Variants in NCALD observed in about 807,000 individuals in gnomAD.
NCALD encodes the protein neurocalcin-delta.
NCALD carries 10 observed loss-of-function variants against 18.6 expected under a neutral mutation model. The observed-to-expected ratio is 0.54, with a 90% CI of 0.33 to 0.91. The LOEUF is 0.91. NCALD is among the 40% of genes least tolerant of loss of function. The pLI is 0.03. For missense variants in NCALD, 184 were observed against 247.6 expected (o/e 0.74, Z 1.72); for synonymous variants, 88 against 87.4 (o/e 1.01, Z -0.04).
intron 1 of NCALD, among the ~76,000 whole-genome samples, chr8:102,060,774 CA>C (rs1040928863): frequency 1.5e-4 from 22 of 145,658 alleles, no homozygotes; most frequent in East Asian, 4.0e-4. Flanking sequence ...TCAATCAGAC[CA>C]AAAAAAAAAA....
intron 1 of NCALD, among the ~76,000 whole-genome samples, chr8:102,115,430 G>A (rs941376725): frequency 3.9e-5 from 6 of 152,190 alleles, no homozygotes; most frequent in Non-Finnish European, 8.8e-5. Context: ...AGCACAGACT[G>A]AATGGATTTT....
intron 2 of NCALD, among the ~76,000 whole-genome samples, chr8:101,917,863 G>A (rs1244672066): frequency 6.6e-6 from 1 of 152,002 alleles, no homozygotes; most frequent in East Asian, 1.9e-4. Context: ...AAAAACCTCA[G>A]GACTAGATGG....
chr8:101,719,920 A>G (rs1241246579), intron 1 of NCALD, among the ~76,000 whole-genome samples: 2 of 152,224 alleles, frequency 1.3e-5, no homozygotes, highest in African/African-American at 4.8e-5. Context: ...AGGTTCAGAG[A>G]GAGCGTGAGG....
chr8:101,975,866 T>C (rs1165580725), intron 2 of NCALD, among the ~76,000 whole-genome samples: 1 of 152,160 alleles, frequency 6.6e-6, no homozygotes, highest in Admixed American at 6.5e-5. Flanking sequence ...TCACCTTCAC[T>C]CTCCAACCTA....
chr8:101,866,746 C>T (rs939912399), intron 4 of NCALD, among the ~76,000 whole-genome samples: 9 of 152,262 alleles, frequency 5.9e-5, no homozygotes, highest in Middle Eastern at 3.4e-3. Flanking sequence ...CCATTTCTAC[C>T]TCCAAATTTT....
intron 1 of NCALD, among the ~76,000 whole-genome samples, chr8:102,082,918 A>C (rs918926420): frequency 3.3e-5 from 5 of 152,276 alleles, no homozygotes; most frequent in African/African-American, 1.2e-4. Context: ...ATAATTTGCC[A>C]GTCCACGGGT....
intron 1 of NCALD, among the ~76,000 whole-genome samples, chr8:102,056,202 A>G (rs1054868410): frequency 2.6e-5 from 4 of 152,240 alleles, no homozygotes; most frequent in African/African-American, 9.6e-5. Context: ...ATTTTTGAGA[A>G]AGAATTTGTG....
intron 2 of NCALD, among the ~76,000 whole-genome samples, chr8:101,696,878 C>T (rs1251866174): frequency 6.6e-6 from 1 of 151,932 alleles, no homozygotes; most frequent in Non-Finnish European, 1.5e-5. Context: ...TCTAACATCA[C>T]AATTAAAAGA....
rs770796623 is a variant in NCALD, at chr8:101,814,947, A to C, written c.-20+72194T>G. On this transcript the variant is annotated intron_variant, in intron 4 of 6. Coordinates refer to the NCALD transcript ENST00000311028. ...TGAGATCTTTATGAGGAAAACTATAAAACTTTGATGAACAAAATCAAAGAA... is the reference window on the plus strand; with the variant it reads ...TGAGATCTTTATGAGGAAAACTATACAACTTTGATGAACAAAATCAAAGAA... Among the ~76,000 whole-genome samples, 100 of 152,212 alleles carry C rather than the reference A, an allele frequency of 6.6e-4. 1 individual carries two copies. The highest frequency in any genetic ancestry group is 1.5e-4 in the Non-Finnish European group (10 of 67,962).
At chr8:101,785,234 A>G (rs967215687) in intron 1 of NCALD, among the ~76,000 whole-genome samples, 3 of 152,198 alleles carry the variant, frequency 2.0e-5, no homozygotes, top group Middle Eastern at 3.2e-3. Context: ...CTATTATTAT[A>G]ATACTCTTCC....
intron 1 of NCALD, among the ~76,000 whole-genome samples, chr8:102,067,238 G>T (rs113057985): frequency 2.0e-5 from 3 of 152,248 alleles, no homozygotes; most frequent in African/African-American, 7.2e-5. Context: ...CTTCTAGCAC[G>T]CTGGCCTCTG....
At chr8:101,837,554 A>G (rs576416272) in intron 4 of NCALD, among the ~76,000 whole-genome samples, 1 of 152,320 alleles carries the variant, frequency 6.6e-6, no homozygotes, top group South Asian at 2.1e-4. Context: ...ACTTAGACAC[A>G]GTCTTTCCCA....
chr8:102,121,109 A>G (rs998061731), intron 1 of NCALD, among the ~76,000 whole-genome samples: 1 of 152,192 alleles, frequency 6.6e-6, no homozygotes, highest in Non-Finnish European at 1.5e-5. Flanking sequence ...TATGAAACCA[A>G]TATGTCTCAG....
At chr8:102,038,523 G>T (rs894095678) in intron 1 of NCALD, among the ~76,000 whole-genome samples, 11 of 152,112 alleles carry the variant, frequency 7.2e-5, no homozygotes, top group Non-Finnish European at 1.3e-4. Context: ...CTGGCATTTG[G>T]TGGCCTTGAT....
At chr8:101,734,895 C>A (rs941755586) in intron 1 of NCALD, among the ~76,000 whole-genome samples, 2 of 152,212 alleles carry the variant, frequency 1.3e-5, no homozygotes, top group Admixed American at 1.3e-4. Flanking sequence ...ATTAGATTAT[C>A]TGCATTGTGA....
At chr8:102,095,486 G>A (rs567230665) in intron 1 of NCALD, among the ~76,000 whole-genome samples, 1 of 152,232 alleles carries the variant, frequency 6.6e-6, no homozygotes, top group South Asian at 2.1e-4. Context: ...TGTTAGGCTC[G>A]GACCAGCTAA....
intron 1 of NCALD, among the ~76,000 whole-genome samples, chr8:102,078,519 C>T (rs1324956464): frequency 2.0e-5 from 3 of 152,212 alleles, no homozygotes; most frequent in Non-Finnish European, 4.4e-5. Context: ...TGTGAGATGT[C>T]CCTACCTCTT....
At chr8:101,939,214 T>A (rs568923220) in intron 2 of NCALD, among the ~76,000 whole-genome samples, 1 of 152,360 alleles carries the variant, frequency 6.6e-6, no homozygotes, top group South Asian at 2.1e-4. Context: ...TACAAGTGAA[T>A]GAAGATCTTT....
chr8:101,845,711 T>C (rs1282615876), intron 4 of NCALD, among the ~76,000 whole-genome samples: 1 of 152,190 alleles, frequency 6.6e-6, no homozygotes, highest in Admixed American at 6.5e-5. Flanking sequence ...TATTTTGAAA[T>C]ATACAGTAGA....
Sources: gnomAD v4.1 joint callset for allele counts (sites outside exome capture counted in the v4.1 genomes callset) on GRCh38, gnomAD v4.1.1 for gene constraint, MANE v1.5 for transcripts, NCBI Gene and HGNC (gene_info 2026-07-23, HGNC 2026-07-21) for gene names.